Variants in LRRFIP1 observed in about 807,000 individuals in gnomAD.
LRRFIP1 encodes the protein leucine-rich repeat flightless-interacting protein 1.
A neutral mutation model predicts 104.4 loss-of-function variants in LRRFIP1; 62 were observed. That is an observed-to-expected ratio of 0.59 (90% CI 0.48 to 0.73). LRRFIP1 has a LOEUF of 0.73. Ranked by LOEUF, LRRFIP1 falls within the 30% of genes least tolerant of loss-of-function variation. LRRFIP1 has a pLI of 0.00. For synonymous variants in LRRFIP1, 300 were observed against 299.0 expected (o/e 1.00, Z -0.03); for missense variants, 796 against 824.5 (o/e 0.97, Z 0.42).
At chr2:237,725,042 G>A (rs1475106987) in intron 7 of LRRFIP1, among the ~76,000 whole-genome samples, 1 of 152,172 alleles carries the variant, frequency 6.6e-6, no homozygotes, top group African/African-American at 2.4e-5. Context: ...ACACTGCGTG[G>A]TAGCCATTAG....
At chr2:237,743,514 C>T (rs2057397578) in intron 11 of LRRFIP1, among the ~76,000 whole-genome samples, 1 of 152,200 alleles carries the variant, frequency 6.6e-6, no homozygotes, top group African/African-American at 2.4e-5. Context: ...CTGTTCACCT[C>T]ATTCTCATCT....
chr2:237,727,682 C>G (rs3769084), intron 7 of LRRFIP1, among the ~76,000 whole-genome samples, 194 bp from the exon 8 acceptor site: 1 of 152,246 alleles, frequency 6.6e-6, no homozygotes, highest in East Asian at 1.9e-4. Context: ...CTGTTCCCTC[C>G]TGAGCTGCGG....
intron 1 of LRRFIP1, among the ~76,000 whole-genome samples, chr2:237,681,675 A>ATTATTTTTTTTTTTT (rs1359912875): frequency 1.8e-5 from 1 of 54,638 alleles, no homozygotes. Context: ...CCGCAGTCCT[A>ATTATTTTTTTTTTTT]TTCTTTTTTT....
At chr2:237,759,197 G>A (rs1420827809) in intron 18 of LRRFIP1, among the ~76,000 whole-genome samples, 1 of 152,174 alleles carries the variant, frequency 6.6e-6, no homozygotes, top group African/African-American at 2.4e-5. Flanking sequence ...ACAGTGACTT[G>A]GGTAAGTGGT....
At chr2:237,742,526 C>T (rs2057257309) in intron 11 of LRRFIP1, among the ~76,000 whole-genome samples, 1 of 152,246 alleles carries the variant, frequency 6.6e-6, no homozygotes, top group African/African-American at 2.4e-5. Context: ...GCACAGGCAG[C>T]ATCCCTGGTA....
At chr2:237,687,409 A>C (rs1393296508) in intron 1 of LRRFIP1, among the ~76,000 whole-genome samples, 3 of 152,040 alleles carry the variant, frequency 2.0e-5, no homozygotes, top group Admixed American at 2.0e-4. Context: ...GTTCGAGACC[A>C]GCCTGGCCAA....
At chr2:237,727,029 G>A (rs899445508) in intron 7 of LRRFIP1, among the ~76,000 whole-genome samples, 2 of 152,168 alleles carry the variant, frequency 1.3e-5, no homozygotes, top group Non-Finnish European at 2.9e-5. Context: ...TATACCCCAC[G>A]ATGAACTTTT....
intron 1 of LRRFIP1, among the ~76,000 whole-genome samples, chr2:237,629,024 T>G (rs147129509): frequency 1.4e-3 from 213 of 152,290 alleles, no homozygotes; most frequent in African/African-American, 5.0e-3. Flanking sequence ...TCTCCCTGGC[T>G]CCACGGCCCT....
chr2:237,745,620 C>T (rs1326546371), intron 11 of LRRFIP1, among the ~76,000 whole-genome samples: 1 of 152,088 alleles, frequency 6.6e-6, no homozygotes, highest in Non-Finnish European at 1.5e-5. Flanking sequence ...GGTTTGTGGA[C>T]CCCGTGTGTT....
rs148960377 is a variant in LRRFIP1 at position 237,640,924 on chromosome 2, G to A, written c.96+13184G>A. 6.6e-5 allele frequency among the ~76,000 whole-genome samples: 10 copies of A among 152,278 alleles called. No individual in the cohort carries two copies. The East Asian group carries it at 1.7e-3, about 26-fold the overall frequency. On this transcript the variant is annotated intron_variant, in intron 1 of 23. Coordinates refer to ENST00000308482, the MANE Select transcript of LRRFIP1 (RefSeq NM_001137550.2). Reference sequence around the variant, plus strand: ...AAAGGCGTGCATCTCAGCCTGCTGGGATGGGACAGGAAGGGACCATTAACC... The same window carrying A: ...AAAGGCGTGCATCTCAGCCTGCTGGAATGGGACAGGAAGGGACCATTAACC...
rs1251893064 is a variant in LRRFIP1, at chr2:237,649,454, C to CCAGG, written c.96+21715_96+21718dup. 2.0e-5 allele frequency among the ~76,000 whole-genome samples: 3 copies of CCAGG among 151,892 alleles called. No individual in the cohort carries two copies. Among genetic ancestry groups the CCAGG allele is most frequent in the African/African-American group, 7.2e-5 (3 of 41,390 alleles). ...GCTGAGGCGGGAGAATTGCTTGAGC[C>CCAGG]CAGGACGTGGAGGCTGCAGTGAGCC... On this transcript the variant is annotated intron_variant, in intron 1 of 23. Transcript: ENST00000308482. This position sits in a 1 kb window ranked among gnomAD's most constrained non-coding sequence, Gnocchi z 4.1.
chr2:237,664,422 CG>C (rs992955368), intron 1 of LRRFIP1, among the ~76,000 whole-genome samples: 2 of 152,212 alleles, frequency 1.3e-5, no homozygotes, highest in Non-Finnish European at 2.9e-5. Flanking sequence ...GGGGCCTCGG[CG>C]GTGTGGCAGT....
At position 237,717,703 on chromosome 2, in the gene LRRFIP1, C is replaced by A; in HGVS notation, c.202-59C>A. On this transcript the variant is annotated intron_variant, in intron 3 of 23. Coordinates refer to ENST00000308482, the MANE Select transcript of LRRFIP1 (RefSeq NM_001137550.2). This position sits in a 1 kb window ranked among gnomAD's most constrained non-coding sequence, Gnocchi z 4.2. ...ATGCATGTCAGAACAGTGCCTTAGA[C>A]AACTGCCTTTTTAAGAAATTTCACT... 2 of 1,299,626 alleles carry A rather than the reference C, an allele frequency of 1.5e-6. No homozygotes were observed. The highest frequency in any genetic ancestry group is 2.2e-6 in the Non-Finnish European group (2 of 893,356). 80.5% of individuals were successfully genotyped at this position (1,299,626 alleles called of 1,614,324 possible).
At chr2:237,716,467 T>C (rs543694586) in intron 3 of LRRFIP1, among the ~76,000 whole-genome samples, 1 of 152,370 alleles carries the variant, frequency 6.6e-6, no homozygotes, top group African/African-American at 2.4e-5. Flanking sequence ...ATTTCTGCTC[T>C]TCCAATTTTC....
chr2:237,763,529 A>G (rs1224894248), intron 19 of LRRFIP1: 1 of 1,613,460 alleles, frequency 6.2e-7, no homozygotes, highest in Non-Finnish European at 8.5e-7. Context: ...AAGTGAAATT[A>G]AGGAAGAAGA....
intron 1 of LRRFIP1, among the ~76,000 whole-genome samples, chr2:237,652,327 G>A (rs1370141353): frequency 1.3e-5 from 2 of 152,202 alleles, no homozygotes; most frequent in African/African-American, 4.8e-5. Context: ...ATGTGAACAC[G>A]GCTGGATGAG....
In LRRFIP1 at chr2:237,696,136, A is replaced by G. The variant is rs540026720; in HGVS notation, c.97-12408A>G. 2.6e-5 allele frequency among the ~76,000 whole-genome samples: 4 copies of G among 152,348 alleles called. No individual in the cohort carries two copies. The East Asian group carries it at 7.7e-4, about 29-fold the overall frequency. On this transcript the variant is annotated intron_variant, in intron 1 of 23. Transcript: ENST00000308482. ...TTTCCCTTGAATCTAAAGTATAACT[A>G]CTTTGTAGTAGAGAAGTAATTTATC...
intron 1 of LRRFIP1, among the ~76,000 whole-genome samples, chr2:237,668,068 C>T (rs1279456172): frequency 6.6e-6 from 1 of 152,134 alleles, no homozygotes; most frequent in African/African-American, 2.4e-5. Flanking sequence ...CTCTTCATCA[C>T]CCTGCCAGCA....
At position 237,654,005 on chromosome 2, in the gene LRRFIP1, C is replaced by T. The variant is rs146425684; in HGVS notation, c.96+26265C>T. ...GGCAACAAAAGAAAAAACAGACAAACGGGATTGCACTAAACTAAAAAGCCT... is the reference window on the plus strand; with the variant it reads ...GGCAACAAAAGAAAAAACAGACAAATGGGATTGCACTAAACTAAAAAGCCT... On this transcript the variant is annotated intron_variant, in intron 1 of 23. Transcript: ENST00000308482. 3.0e-3 allele frequency among the ~76,000 whole-genome samples: 451 copies of T among 152,110 alleles called. 3 individuals carry two copies. The highest frequency in any genetic ancestry group is 0.011 in the African/African-American group (441 of 41,498).
Sources: gnomAD v4.1 joint callset for allele counts (sites outside exome capture counted in the v4.1 genomes callset) on GRCh38, gnomAD v4.1.1 for gene constraint, Gnocchi (gnomAD v3.1) non-coding constraint, MANE v1.5 for transcripts, NCBI Gene and HGNC (gene_info 2026-07-23, HGNC 2026-07-21) for gene names.